Variants in SCAF8 observed in about 807,000 individuals in gnomAD.
SCAF8 encodes SR-related and CTD-associated factor 8.
A neutral mutation model predicts 140.5 loss-of-function variants in SCAF8; 23 were observed. The observed-to-expected ratio is 0.16, with a 90% CI of 0.12 to 0.23. The LOEUF (loss-of-function observed/expected upper bound fraction) is 0.23. Among genes scored for constraint, SCAF8 ranks in the 10% least tolerant of loss-of-function variants. The pLI is 1.00. For synonymous variants in SCAF8, 575 were observed against 528.9 expected (o/e 1.09, Z -1.20); for missense variants, 1,397 against 1,555.7 (o/e 0.90, Z 1.72).
chr6:154,790,260 C>T (rs1777375575), intron 4 of SCAF8, among the ~76,000 whole-genome samples: 1 of 152,154 alleles, frequency 6.6e-6, no homozygotes, highest in African/African-American at 2.4e-5. Flanking sequence ...GAACATAAGG[C>T]ATTTTCCAAG....
rs1194700667 is a variant in SCAF8 at position 154,742,904 on chromosome 6, T to C, written c.30+8974T>C. On this transcript the variant is annotated intron_variant, in intron 1 of 19. Transcript: ENST00000367178. ...GTAGGATTTCATTCTTTCATTAATT[T>C]GTTCATGCACGTAACTAATATTTAA... is the stretch of plus-strand genomic sequence containing the variant. Among the ~76,000 whole-genome samples the C allele has an allele frequency of 3.3e-5, 5 of 152,232 alleles. No homozygotes were observed. The East Asian group carries it at 9.6e-4, about 29-fold the overall frequency.
intron 9 of SCAF8, among the ~76,000 whole-genome samples, chr6:154,806,434 T>C (rs1188334276): frequency 6.6e-6 from 1 of 152,124 alleles, no homozygotes; most frequent in Non-Finnish European, 1.5e-5. Flanking sequence ...TCACAAAATA[T>C]TTTTGAGTAT....
At chr6:154,753,578 G>A (rs1778892753) in intron 1 of SCAF8, among the ~76,000 whole-genome samples, 1 of 152,154 alleles carries the variant, frequency 6.6e-6, no homozygotes, top group Admixed American at 6.5e-5. Context: ...GGCAGAGGTT[G>A]CAGTGAGCCA....
intron 19 of SCAF8, 137 bp downstream of exon 19, chr6:154,831,277 T>A: frequency 1.7e-6 from 1 of 582,512 alleles, no homozygotes; most frequent in South Asian, 2.4e-5. Context: ...AAGAGATCAC[T>A]ATGTCCTAAA....
At chr6:154,736,293 G>A (rs1778418723) in intron 1 of SCAF8, among the ~76,000 whole-genome samples, 2 of 113,660 alleles carry the variant, frequency 1.8e-5, no homozygotes, top group East Asian at 2.8e-4. Context: ...TTTTGGAGAC[G>A]GAGTTTTGCT....
chr6:154,803,360 T>C (rs1583049909), intron 7 of SCAF8, among the ~76,000 whole-genome samples, 184 bp from the exon 8 acceptor site: 1 of 152,116 alleles, frequency 6.6e-6, no homozygotes, highest in South Asian at 2.1e-4. Context: ...ATAATACATA[T>C]CAAAATGCTT....
chr6:154,816,675 T>G (rs937018551), intron 13 of SCAF8, among the ~76,000 whole-genome samples: 1 of 152,212 alleles, frequency 6.6e-6, no homozygotes, highest in African/African-American at 2.4e-5. Flanking sequence ...GTTTTATGTC[T>G]GTGGGATCTT....
At chr6:154,831,243 T>G in intron 19 of SCAF8, 103 bp downstream of exon 19, 1 of 662,170 alleles carries the variant, frequency 1.5e-6, no homozygotes, top group Non-Finnish European at 2.5e-6. Flanking sequence ...CTACAGATGC[T>G]GAAATGTCGC....
intron 1 of SCAF8, among the ~76,000 whole-genome samples, chr6:154,750,572 G>A (rs1472264081): frequency 1.3e-5 from 2 of 152,120 alleles, no homozygotes; most frequent in South Asian, 2.1e-4. Flanking sequence ...AGATGTTCTT[G>A]TATGTAATTA....
chr6:154,797,632 G>A (rs1744999625), intron 6 of SCAF8, among the ~76,000 whole-genome samples: 1 of 151,242 alleles, frequency 6.6e-6, no homozygotes, highest in Admixed American at 6.6e-5. Flanking sequence ...CTGACCTTGT[G>A]ATCTGCCCGC....
At position 154,822,313 on chromosome 6, in the gene SCAF8, G is replaced by A. The variant is rs1778441654; in HGVS notation, c.1830G>A (p.Glu610=). The A allele has an allele frequency of 6.2e-7, 1 of 1,613,314 alleles. No homozygotes were observed. The highest frequency in any genetic ancestry group is 8.5e-7 in the Non-Finnish European group (1 of 1,179,492). The change falls in exon 16 of 20, where the codon GAG becomes GAA. Residue 610 remains glutamate, a synonymous_variant. Transcript: ENST00000367178. ...TGAAAAGCTCAGAACCTGTTAAAGAGACGGTCCAGACAACTCAGAGCCCAA... is the reference window on the plus strand; with the variant it reads ...TGAAAAGCTCAGAACCTGTTAAAGAAACGGTCCAGACAACTCAGAGCCCAA... ...ETVKSSEPVK[E]TVQTTQSPTP...
intron 5 of SCAF8, 35 bp from the exon 6 acceptor site, chr6:154,794,974 T>C: frequency 6.4e-7 from 1 of 1,553,086 alleles, no homozygotes; most frequent in Non-Finnish European, 8.7e-7. Flanking sequence ...CTTACTTACA[T>C]ATTTATTTGG....
chr6:154,808,624 T>G, intron 10 of SCAF8, 62 bp from the exon 11 acceptor site: 1 of 1,037,278 alleles, frequency 9.6e-7, no homozygotes, highest in Non-Finnish European at 1.5e-6. Flanking sequence ...AACAGAATTG[T>G]CAATGTATAA....
intron 1 of SCAF8, among the ~76,000 whole-genome samples, chr6:154,753,509 G>A (rs1778891003): frequency 6.6e-6 from 1 of 150,646 alleles, no homozygotes; most frequent in African/African-American, 2.4e-5. Context: ...CATAGTGGCG[G>A]GCGCCTGTAA....
chr6:154,750,341 A>G (rs1166552510), intron 1 of SCAF8, among the ~76,000 whole-genome samples: 1 of 152,194 alleles, frequency 6.6e-6, no homozygotes, highest in East Asian at 1.9e-4. Flanking sequence ...AAAACAGGCT[A>G]GAAATGAAGA....
At chr6:154,795,246 T>C (rs1191760698) in intron 6 of SCAF8, 107 bp downstream of exon 6, 2 of 925,714 alleles carry the variant, frequency 2.2e-6, no homozygotes, top group Non-Finnish European at 3.0e-6. Context: ...TTTAGTTTTA[T>C]AAAAATGGGA....
chr6:154,825,478 C>T (rs955278279), intron 17 of SCAF8, among the ~76,000 whole-genome samples: 1 of 151,410 alleles, frequency 6.6e-6, no homozygotes, highest in Non-Finnish European at 1.5e-5. Flanking sequence ...AGTGCAAGAC[C>T]AGCCCAGGAA....
intron 1 of SCAF8, among the ~76,000 whole-genome samples, chr6:154,746,039 C>A (rs1778691315): frequency 5.3e-5 from 8 of 152,092 alleles, no homozygotes; most frequent in Admixed American, 5.2e-4. Context: ...GCACACAACA[C>A]CATGCCTGGA....
At chr6:154,822,536 G>A in intron 16 of SCAF8, 127 bp downstream of exon 16, 1 of 955,438 alleles carries the variant, frequency 1.0e-6, no homozygotes, top group Middle Eastern at 2.6e-4. Flanking sequence ...AGTAGTGTTA[G>A]GGAAAAGAAT....
Sources: allele counts gnomAD v4.1 joint callset (sites outside exome capture counted in the v4.1 genomes callset), GRCh38; gene constraint gnomAD v4.1.1; transcripts MANE v1.5; gene names NCBI Gene and HGNC (gene_info 2026-07-23, HGNC 2026-07-21).